GSE1: variants seen among roughly 807,000 people sequenced by gnomAD.
The protein encoded by GSE1 is Gse1 coiled-coil protein, also known as genetic suppressor element 1.
A neutral mutation model predicts 112.6 loss-of-function variants in GSE1; 32 were observed. The ratio of observed to expected loss-of-function variants is 0.28; its 90% CI spans 0.21 to 0.38. GSE1 has a LOEUF of 0.38. GSE1 is among the 10% of genes least tolerant of loss of function. The pLI is 1.00. For synonymous variants in GSE1, 1,115 were observed against 735.6 expected, an observed-to-expected ratio of 1.52 and a Z score of -8.35; for missense variants, 2,348 against 1,699.2, an observed-to-expected ratio of 1.38 and a Z score of -6.71.
At chr16:85,328,431 G>A (rs2046270711) in intron 1 of GSE1, among the ~76,000 whole-genome samples, 1 of 152,204 alleles carries the variant, frequency 6.6e-6, no homozygotes, top group African/African-American at 2.4e-5. Flanking sequence ...GGAGGGAGCC[G>A]TTTTCCAACA....
At position 85,648,673 on chromosome 16, in the gene GSE1, C is replaced by G. The variant is rs745680419; in HGVS notation, c.348C>G (p.Ser116Arg). The G allele has an allele frequency of 4.4e-6, 7 of 1,603,430 alleles. No homozygotes were observed. Among genetic ancestry groups the G allele is most frequent in the African/African-American group, 1.3e-5 (1 of 74,758 alleles). ...GPIIVPPGGH[S>R]VPSTPPVVTI... ...TCATCGTCCCCCCTGGGGGCCACAG[C>G]GTGCCCAGCACCCCCCCCGTGGTGA... Residue 116 changes from serine to arginine, a missense_variant, in exon 3 of 16, where the codon AGC (serine) becomes AGG (arginine). By Grantham distance (110) the Ser-to-Arg change is moderately radical. Coordinates refer to ENST00000253458, the MANE Select transcript of GSE1 (RefSeq NM_014615.5).
chr16:85,495,254 G>A lies in GSE1; in HGVS notation c.2464+137611G>A, dbSNP rs562364418. ...CAAGCTAGTTTGGAAGACCCTGCCC[G>A]TAATGTTTTCTGAGGCAAAGGGTGG... On this transcript the variant is annotated intron_variant, in intron 2 of 2. Coordinates refer to the GSE1 transcript ENST00000637419. Among the ~76,000 whole-genome samples, 203 of 152,164 alleles carry A rather than the reference G, an allele frequency of 1.3e-3. 1 individual carries two copies. Among genetic ancestry groups the A allele is most frequent in the African/African-American group, 4.1e-3 (172 of 41,514 alleles).
At chr16:85,328,529 C>T (rs1307918234) in intron 1 of GSE1, among the ~76,000 whole-genome samples, 2 of 152,252 alleles carry the variant, frequency 1.3e-5, no homozygotes, top group African/African-American at 4.8e-5. Context: ...TATTCAACTG[C>T]AGCACAAAAT....
At position 85,673,560 on chromosome 16, in the gene GSE1, T is replaced by TAAAG. The variant is rs917046765; in HGVS notation, c.*1024_*1027dup. The TAAAG allele has an allele frequency of 6.6e-6, 1 of 152,262 alleles. No individual in the cohort carries two copies. Among genetic ancestry groups the TAAAG allele is most frequent in the African/African-American group, 2.4e-5 (1 of 41,392 alleles). 9.4% of individuals were successfully genotyped at this position (152,262 alleles called of 1,614,324 possible). On this transcript the variant is annotated 3_prime_UTR_variant, in exon 16 of 16. Coordinates refer to ENST00000253458, the MANE Select transcript of GSE1 (RefSeq NM_014615.5). ...AAAATATTGAAGTGTTTTTAAAAAT[T>TAAAG]AAAGAAGAAGAAAAGTAAAAGAGCT...
rs148799663 is a variant in GSE1, at chr16:85,414,591, A to G, written c.2464+56948A>G. ...TGGGGCTTTGGAGAAGGGAGACAGCATCATAATTTTGATATGCATAGACAT... is the reference window on the plus strand; with the variant it reads ...TGGGGCTTTGGAGAAGGGAGACAGCGTCATAATTTTGATATGCATAGACAT... On this transcript the variant is annotated intron_variant, in intron 2 of 2. Coordinates refer to the GSE1 transcript ENST00000637419. Among the ~76,000 whole-genome samples, 99 of 152,342 alleles carry G rather than the reference A, an allele frequency of 6.5e-4. 1 individual carries two copies. The highest frequency in any genetic ancestry group is 2.3e-3 in the African/African-American group (95 of 41,566).
chr16:85,503,252 C>T (rs1292540684), intron 2 of GSE1, among the ~76,000 whole-genome samples: 2 of 152,208 alleles, frequency 1.3e-5, no homozygotes, highest in African/African-American at 4.8e-5. Context: ...ATCCAGGGGT[C>T]ACCACACGGG....
In GSE1 at chr16:85,253,069, A is replaced by AC. The variant is rs56691935; in HGVS notation, c.2283+81275dup. Among the ~76,000 whole-genome samples, 406 of 57,732 alleles carry AC rather than the reference A, an allele frequency of 7.0e-3. 9 individuals carry two copies. Among genetic ancestry groups the AC allele is most frequent in the East Asian group, 0.032 (51 of 1,608 alleles). The allele number at this position is 57,732 out of a possible 152,430, so 37.9% of individuals were successfully genotyped here. A position where few individuals can be genotyped will look rare whatever the true frequency, so the allele number is the denominator to read the frequency against. On this transcript the variant is annotated intron_variant, in intron 1 of 2. Transcript: ENST00000637419. ...TCATAGGCGCCCCCGCCCCCCCCCC[A>AC]CCCCCCCCCCCCCACCAGCAGGCTG... is the stretch of plus-strand genomic sequence containing the variant.
At position 85,581,211 on chromosome 16, in the gene GSE1, G is replaced by A. The variant is rs961063666; in HGVS notation, c.37+24848G>A. ...CCTCCTTCAGAAGGGAGCTTCAGTG[G>A]GGAGGGGGCTGGTGGAGGAAGCCCC... On this transcript the variant is annotated intron_variant, in intron 1 of 2. Transcript: ENST00000635906. 6.6e-5 allele frequency among the ~76,000 whole-genome samples: 10 copies of A among 152,340 alleles called. 1 individual carries two copies. In the East Asian group the frequency reaches 1.9e-3, roughly 29 times the overall value.
At chr16:85,469,900 G>A (rs1172173271) in intron 2 of GSE1, among the ~76,000 whole-genome samples, 3 of 152,254 alleles carry the variant, frequency 2.0e-5, no homozygotes. Context: ...AGGGCCCTTG[G>A]CCCGTCAGAG....
At chr16:85,375,477 A>C (rs2047398636) in intron 2 of GSE1, among the ~76,000 whole-genome samples, 1 of 152,170 alleles carries the variant, frequency 6.6e-6, no homozygotes, top group South Asian at 2.1e-4. Context: ...TGTCACAAAG[A>C]GCCACAGCTG....
intron 2 of GSE1, among the ~76,000 whole-genome samples, chr16:85,416,903 C>T (rs572283632): frequency 4.6e-5 from 7 of 152,214 alleles, no homozygotes; most frequent in South Asian, 4.1e-4. Context: ...TCCCCCAGGC[C>T]GGGGTGCAGT....
intron 1 of GSE1, among the ~76,000 whole-genome samples, chr16:85,199,103 C>G (rs949276775): frequency 6.6e-6 from 1 of 151,990 alleles, no homozygotes; most frequent in Non-Finnish European, 1.5e-5. Flanking sequence ...TGCTACCATG[C>G]CCAGCTAATT....
chr16:85,220,270 G>A (rs770270184), intron 1 of GSE1, among the ~76,000 whole-genome samples: 1 of 152,240 alleles, frequency 6.6e-6, no homozygotes, highest in Non-Finnish European at 1.5e-5. Flanking sequence ...GTTTCAGTTA[G>A]GAGCTGGGGG....
intron 2 of GSE1, among the ~76,000 whole-genome samples, chr16:85,505,825 A>AC (rs561290653): frequency 1.3e-5 from 2 of 151,842 alleles, no homozygotes; most frequent in East Asian, 1.9e-4. Flanking sequence ...ACATAGGGAG[A>AC]CCCCCATCTC....
intron 2 of GSE1, among the ~76,000 whole-genome samples, chr16:85,523,759 T>TAC (rs1363566648): frequency 1.3e-5 from 2 of 152,192 alleles, no homozygotes; most frequent in Non-Finnish European, 2.9e-5. Flanking sequence ...CCTGGCCTGG[T>TAC]AGCTCAGTCT....
chr16:85,349,762 T>C (rs1208120092), intron 1 of GSE1, among the ~76,000 whole-genome samples: 1 of 152,212 alleles, frequency 6.6e-6, no homozygotes, highest in Non-Finnish European at 1.5e-5. Context: ...CCTGCGGTTG[T>C]GTTCCTTGTC....
rs2051793241 is a variant in GSE1 at position 85,654,985 on chromosome 16, C to T, written c.791C>T (p.Ala264Val). 6.3e-7 allele frequency: 1 copy of T among 1,582,454 alleles called. No homozygotes were observed. The highest frequency in any genetic ancestry group is 1.7e-5 in the Admixed American group (1 of 58,720). ...YLAPHPFPHPAFRMDDSYCLS... is the reference protein window; with the variant it reads ...YLAPHPFPHPVFRMDDSYCLS... The stretch of plus-strand genomic sequence containing the variant: ...GCCCCACACCCCTTCCCCCACCCGG[C>T]CTTCAGGTGAGGCATCCCCCACGCG... The change falls in exon 5 of 16, where the codon GCC becomes GTC. Residue 264 changes from alanine to valine, a missense_variant. Physicochemically the swap from Ala to Val is moderately conservative, Grantham distance 64. Coordinates refer to ENST00000253458, the MANE Select transcript of GSE1 (RefSeq NM_014615.5).
intron 2 of GSE1, among the ~76,000 whole-genome samples, chr16:85,443,329 G>A (rs1284022060): frequency 6.6e-6 from 1 of 152,228 alleles, no homozygotes; most frequent in Non-Finnish European, 1.5e-5. Flanking sequence ...CCAAGAGGCA[G>A]CGCAGTGCAG....
intron 1 of GSE1, among the ~76,000 whole-genome samples, chr16:85,198,968 G>A (rs904611238): frequency 1.3e-5 from 2 of 150,378 alleles, no homozygotes; most frequent in Non-Finnish European, 3.0e-5. Context: ...TTTGGGAGAC[G>A]GAGTCTCGCT....
Sources: gnomAD v4.1 joint callset for allele counts (sites outside exome capture counted in the v4.1 genomes callset) on GRCh38, gnomAD v4.1.1 for gene constraint, MANE v1.5 for transcripts, NCBI Gene and HGNC (gene_info 2026-07-23, HGNC 2026-07-21) for gene names.